The following CRCP variants were observed in gnomAD, a reference collection of about 807,000 sequenced individuals.
CRCP encodes the protein CGRP receptor component.
CRCP carries 18 observed loss-of-function variants against 18.5 expected under a neutral mutation model. The ratio of observed to expected loss-of-function variants is 0.97; its 90% CI spans 0.67 to 1.44. The LOEUF is 1.44. Among genes scored for constraint, CRCP ranks in the 40% most tolerant of loss-of-function variants. The probability of loss-of-function intolerance (pLI) is 0.00; values close to 1 mark genes in which losing one functional copy is unlikely to be tolerated. For synonymous variants in CRCP, 53 were observed against 62.9 expected (o/e 0.84, Z 0.75); for missense variants, 130 against 176.4 (o/e 0.74, Z 1.49).
rs769998351 is a variant in CRCP, at chr7:66,152,292, C to T, written c.382C>T (p.Pro128Ser). The T allele has an allele frequency of 6.2e-7, 1 of 1,613,938 alleles. No homozygotes were observed. The change falls in exon 6 of 6, where the codon CCA becomes TCA. Residue 128 changes from proline to serine, a missense_variant. By Grantham distance (74) the Pro-to-Ser change is moderately conservative. Transcript: ENST00000395326. ...CGTCACCAGCATTCTGCCTGCAGAG[C>T]CAGAGGCTGAGCAGAAGAAGAATAC... ...HTVTSILPAE[P>S]EAEQKKNTNS... is the part of the protein sequence containing the mutation.
chr7:66,124,218 G>A (rs1021022633), intron 1 of CRCP, among the ~76,000 whole-genome samples: 2 of 150,992 alleles, frequency 1.3e-5, no homozygotes, highest in South Asian at 2.1e-4. Context: ...AAAATTAGCC[G>A]GGCTGATGGC....
chr7:66,134,382 A>C lies in CRCP; in HGVS notation c.239+8A>C. 7 of 1,577,784 alleles carry C rather than the reference A, an allele frequency of 4.4e-6. No homozygotes were observed. Among genetic ancestry groups the C allele is most frequent in the Non-Finnish European group, 5.2e-6 (6 of 1,154,460 alleles). ...AAGCCACAAGTTGACCAAGTAAGTA[A>C]ATCTCTTAAGTAGGAAGAGCGTGAC... On this transcript the variant is annotated splice_region_variant and intron_variant, in intron 4 of 5. Coordinates refer to ENST00000395326, the MANE Select transcript of CRCP (RefSeq NM_014478.5).
At chr7:66,140,173 T>C (rs999128900) in intron 4 of CRCP, among the ~76,000 whole-genome samples, 3 of 152,304 alleles carry the variant, frequency 2.0e-5, no homozygotes, top group South Asian at 2.1e-4. Flanking sequence ...GCGAGAAAGA[T>C]TGGATTTCTC....
At chr7:66,131,131 CG>C (rs1313507083) in intron 3 of CRCP, among the ~76,000 whole-genome samples, 1 of 151,956 alleles carries the variant, frequency 6.6e-6, no homozygotes, top group Non-Finnish European at 1.5e-5. Flanking sequence ...CCCTCCACCA[CG>C]GCCAGCTGAT....
chr7:66,132,321 C>T (rs1787832014), intron 3 of CRCP, among the ~76,000 whole-genome samples: 1 of 152,224 alleles, frequency 6.6e-6, no homozygotes, highest in Admixed American at 6.5e-5. Context: ...GTCATTCAAT[C>T]TATATCCTTA....
chr7:66,121,905 T>A (rs1787453825), intron 1 of CRCP, among the ~76,000 whole-genome samples: 1 of 152,214 alleles, frequency 6.6e-6, no homozygotes, highest in South Asian at 2.1e-4. Flanking sequence ...ACTCATTTGC[T>A]AGCTCCCAAG....
intron 4 of CRCP, among the ~76,000 whole-genome samples, chr7:66,145,117 C>T (rs1400355172): frequency 6.6e-6 from 1 of 152,062 alleles, no homozygotes; most frequent in Non-Finnish European, 1.5e-5. Flanking sequence ...GATCGTGCCA[C>T]TGCACACCAG....
chr7:66,114,990 T>C lies in CRCP; in HGVS notation c.8+20T>C, dbSNP rs1787210532. 3 of 1,606,950 alleles carry C rather than the reference T, an allele frequency of 1.9e-6. No homozygotes were observed. Among genetic ancestry groups the C allele is most frequent in the Non-Finnish European group, 2.6e-6 (3 of 1,174,686 alleles). ...GGAAGTGTAAGTCTTCTCGGGCGCGTCCCTTTTCGCCCGAGGAGCCCAACG... is the reference window on the plus strand; with the variant it reads ...GGAAGTGTAAGTCTTCTCGGGCGCGCCCCTTTTCGCCCGAGGAGCCCAACG... On this transcript the variant is annotated intron_variant, in intron 1 of 5. Coordinates refer to ENST00000395326, the MANE Select transcript of CRCP (RefSeq NM_014478.5).
At chr7:66,131,491 C>T (rs566124539) in intron 3 of CRCP, among the ~76,000 whole-genome samples, 8 of 152,206 alleles carry the variant, frequency 5.3e-5, no homozygotes, top group South Asian at 4.1e-4. Context: ...TCCACTGCCA[C>T]GCCTGGCTAT....
chr7:66,145,523 G>A (rs2116028497), intron 5 of CRCP, 23 bp downstream of exon 5: 1 of 1,613,284 alleles, frequency 6.2e-7, no homozygotes, highest in South Asian at 1.1e-5. Context: ...CGCCTGTGCT[G>A]GGGAGGCTGC....
chr7:66,130,830 T>G lies in CRCP; in HGVS notation c.132T>G (p.Thr44=), dbSNP rs566780562. 6.4e-7 allele frequency: 1 copy of G among 1,565,062 alleles called. No individual in the cohort carries two copies. The highest frequency in any genetic ancestry group is 2.2e-5 in the East Asian group (1 of 44,610). ...KHSSGQQNLN[T]ITYETLKYIS... ...GCTCTGGGCAACAGAACTTGAACAC[T>G]ATCACCTATGAAGTAAGGCTGGGCT... The change falls in exon 3 of 6, where the codon ACT becomes ACG. Residue 44 remains threonine, a synonymous_variant. Transcript: ENST00000395326.
At chr7:66,145,544 A>G in intron 5 of CRCP, 44 bp downstream of exon 5, 1 of 1,604,218 alleles carries the variant, frequency 6.2e-7, no homozygotes, top group Non-Finnish European at 8.5e-7. Flanking sequence ...TGTGGGTCTG[A>G]GATGTAGAAT....
intron 5 of CRCP, among the ~76,000 whole-genome samples, chr7:66,147,945 A>G (rs1017225995): frequency 1.3e-5 from 2 of 152,178 alleles, no homozygotes; most frequent in African/African-American, 4.8e-5. Context: ...CTGTGGTCCC[A>G]GCTACTCAGG....
rs148394127 is a variant in CRCP at position 66,148,127 on chromosome 7, C to T, written c.297+2627C>T. On this transcript the variant is annotated intron_variant, in intron 5 of 5. Transcript: ENST00000395326. The stretch of plus-strand genomic sequence containing the variant: ...CTGTAATCCCAGTACTTTAAGAGAC[C>T]GAGGTGGGTGGATCACCTGAGGTCA... Among the ~76,000 whole-genome samples, 1,068 of 151,118 alleles carry T rather than the reference C, an allele frequency of 7.1e-3. 16 individuals carry two copies. The highest frequency in any genetic ancestry group is 0.024 in the African/African-American group (1,001 of 41,270).
At chr7:66,134,858 C>T (rs1269089747) in intron 4 of CRCP, among the ~76,000 whole-genome samples, 1 of 152,046 alleles carries the variant, frequency 6.6e-6, no homozygotes, top group Non-Finnish European at 1.5e-5. Flanking sequence ...AGCACCATGA[C>T]CTTGGAAAAG....
intron 1 of CRCP, among the ~76,000 whole-genome samples, chr7:66,123,513 G>A (rs1157587908): frequency 6.6e-6 from 1 of 151,746 alleles, no homozygotes; most frequent in Non-Finnish European, 1.5e-5. Context: ...CTTTGGGAGG[G>A]CAAAGCGGTC....
At chr7:66,116,872 G>T (rs1787280783) in intron 1 of CRCP, among the ~76,000 whole-genome samples, 1 of 152,142 alleles carries the variant, frequency 6.6e-6, no homozygotes, top group African/African-American at 2.4e-5. Flanking sequence ...TATAATCGCA[G>T]CACTTTAGGA....
chr7:66,130,617 G>A, intron 2 of CRCP, 127 bp from the exon 3 acceptor site: 1 of 513,748 alleles, frequency 1.9e-6, no homozygotes, highest in African/African-American at 1.9e-5. Flanking sequence ...TCCAAGAGTT[G>A]GAAGCTGGGT....
At chr7:66,139,212 A>G (rs62465473) in intron 4 of CRCP, among the ~76,000 whole-genome samples, 1,620 of 152,282 alleles carry the variant, frequency 0.011, 14 homozygotes, top group Non-Finnish European at 0.015. Context: ...TCAGAGTCTA[A>G]TGGGATAATT....
Sources: gnomAD v4.1 joint callset for allele counts (sites outside exome capture counted in the v4.1 genomes callset) on GRCh38, gnomAD v4.1.1 for gene constraint, MANE v1.5 for transcripts, NCBI Gene and HGNC (gene_info 2026-07-23, HGNC 2026-07-21) for gene names.